MGMT: variants seen among roughly 807,000 people sequenced by gnomAD.
The protein encoded by MGMT is methylated-DNA--protein-cysteine methyltransferase.
A neutral mutation model predicts 15.9 loss-of-function variants in MGMT; 14 were observed. The observed-to-expected ratio is 0.88, with a 90% CI of 0.58 to 1.37. MGMT has a LOEUF of 1.37. MGMT is among the 40% of genes most tolerant of loss of function. The pLI is 0.00. For synonymous variants in MGMT, 130 were observed against 118.2 expected, an observed-to-expected ratio of 1.10 and a Z score of -0.65; for missense variants, 282 against 268.1, an observed-to-expected ratio of 1.05 and a Z score of -0.36.
chr10:129,561,681 T>G (rs1029808720), intron 2 of MGMT, among the ~76,000 whole-genome samples: 3 of 152,100 alleles, frequency 2.0e-5, no homozygotes, highest in Non-Finnish European at 4.4e-5. Flanking sequence ...GAGACACAGT[T>G]TATTGGAGTC....
At position 129,664,667 on chromosome 10, in the gene MGMT, G is replaced by T. The variant is rs988225500; in HGVS notation, c.126-43228G>T. ...AGAAATGGCTGATTCCAGGATGGGG[G>T]CAGCAAAGACACAAAAGGAGCCTAG... On this transcript the variant is annotated intron_variant, in intron 2 of 4. Transcript: ENST00000651593. Among the ~76,000 whole-genome samples the T allele has an allele frequency of 2.0e-5, 3 of 152,130 alleles. No individual in the cohort carries two copies. In the South Asian group the frequency reaches 6.2e-4, roughly 31 times the overall value.
At chr10:129,762,829 G>A (rs1848890605) in intron 4 of MGMT, among the ~76,000 whole-genome samples, 1 of 152,158 alleles carries the variant, frequency 6.6e-6, no homozygotes, top group South Asian at 2.1e-4. Flanking sequence ...TAAGTGTCAA[G>A]GTTGTCAGTG....
intron 2 of MGMT, among the ~76,000 whole-genome samples, chr10:129,618,821 T>C (rs1847058475): frequency 1.7e-5 from 1 of 60,556 alleles, no homozygotes; most frequent in South Asian, 9.7e-4. Context: ...TACAGGAGCT[T>C]TCTGTAAATT....
intron 1 of MGMT, among the ~76,000 whole-genome samples, chr10:129,476,551 G>C (rs1359738493): frequency 6.6e-6 from 1 of 152,112 alleles, no homozygotes; most frequent in East Asian, 1.9e-4. Flanking sequence ...GGGAACCGCT[G>C]CCTGGGGCAG....
At position 129,526,686 on chromosome 10, in the gene MGMT, C is replaced by G. The variant is rs115619861; in HGVS notation, c.-12-9555C>G. The stretch of plus-strand genomic sequence containing the variant: ...TCTGTTTCTGTGTGTTTTCATTGCA[C>G]AGGATACCAGCAGTGGAAATGGTTA... On this transcript the variant is annotated intron_variant, in intron 1 of 4. Transcript: ENST00000651593. Among the ~76,000 whole-genome samples, 791 of 151,926 alleles carry G rather than the reference C, an allele frequency of 5.2e-3. 11 individuals are homozygous for G. The highest frequency in any genetic ancestry group is 0.018 in the African/African-American group (762 of 41,520).
chr10:129,726,734 TCCC>T (rs1564775709), intron 3 of MGMT, among the ~76,000 whole-genome samples: 1 of 152,198 alleles, frequency 6.6e-6, no homozygotes, highest in Non-Finnish European at 1.5e-5. Flanking sequence ...TTCTCACTCT[TCCC>T]CTACTCCATA....
intron 2 of MGMT, among the ~76,000 whole-genome samples, chr10:129,688,836 C>T (rs1847939181): frequency 6.6e-6 from 1 of 152,140 alleles, no homozygotes; most frequent in Admixed American, 6.5e-5. Context: ...TTTTAAGAGA[C>T]ACGGCAAGCA....
At chr10:129,739,084 G>T (rs1265427130) in intron 3 of MGMT, among the ~76,000 whole-genome samples, 1 of 152,168 alleles carries the variant, frequency 6.6e-6, no homozygotes, top group Non-Finnish European at 1.5e-5. Flanking sequence ...TGCAGAAAAG[G>T]CCTTCAACAA....
intron 2 of MGMT, among the ~76,000 whole-genome samples, chr10:129,606,933 A>G (rs573893176): frequency 6.6e-6 from 1 of 152,234 alleles, no homozygotes; most frequent in African/African-American, 2.4e-5. Flanking sequence ...ATTTGACTGC[A>G]ATATTTAATA....
chr10:129,744,185 G>A (rs1564782595), intron 3 of MGMT, among the ~76,000 whole-genome samples: 2 of 152,298 alleles, frequency 1.3e-5, no homozygotes, highest in East Asian at 3.9e-4. Flanking sequence ...CTTGCTTAGG[G>A]GTCAGTGAGC....
At chr10:129,540,051 G>C (rs180785483) in intron 2 of MGMT, among the ~76,000 whole-genome samples, 1 of 152,184 alleles carries the variant, frequency 6.6e-6, no homozygotes, top group Non-Finnish European at 1.5e-5. Context: ...GTCTGCATTT[G>C]TTTGGGTTCT....
At chr10:129,691,271 C>G (rs1005693841) in intron 2 of MGMT, among the ~76,000 whole-genome samples, 1 of 152,208 alleles carries the variant, frequency 6.6e-6, no homozygotes, top group Admixed American at 6.5e-5. Context: ...TGCCGGTCCT[C>G]AGAAAGTGAC....
chr10:129,752,685 T>C (rs980567001), intron 3 of MGMT, among the ~76,000 whole-genome samples: 4 of 152,112 alleles, frequency 2.6e-5, no homozygotes, highest in African/African-American at 9.7e-5. Flanking sequence ...GAATCACTGT[T>C]TTACCTTTTT....
chr10:129,739,686 C>T (rs759384961), intron 3 of MGMT, among the ~76,000 whole-genome samples: 18 of 152,152 alleles, frequency 1.2e-4, no homozygotes, highest in East Asian at 3.9e-4. Context: ...TTGTCCAATC[C>T]TCAGCCTGCG....
chr10:129,645,330 C>T (rs1340922407), intron 2 of MGMT, among the ~76,000 whole-genome samples: 1 of 152,128 alleles, frequency 6.6e-6, no homozygotes, highest in Non-Finnish European at 1.5e-5. Flanking sequence ...CCATGTTAAT[C>T]AGGCTGGTCT....
In MGMT at chr10:129,763,012, C is replaced by T. The variant is rs986685988; in HGVS notation, c.414+3671C>T. On this transcript the variant is annotated intron_variant, in intron 4 of 4. Coordinates refer to ENST00000651593, the MANE Select transcript of MGMT (RefSeq NM_002412.5). ...CAAAGGCGAAGTTGGAAAAAATATT[C>T]AGCCGGTACCAGAATCAGAGGGATT... 5.9e-5 allele frequency among the ~76,000 whole-genome samples: 9 copies of T among 152,218 alleles called. No individual in the cohort carries two copies. In the South Asian group the frequency reaches 1.9e-3, roughly 32 times the overall value.
intron 2 of MGMT, among the ~76,000 whole-genome samples, chr10:129,683,004 A>G (rs942532067): frequency 3.9e-5 from 6 of 152,140 alleles, no homozygotes; most frequent in Non-Finnish European, 7.3e-5. Context: ...GCACGCCACC[A>G]TGTCCGGCTA....
intron 3 of MGMT, among the ~76,000 whole-genome samples, chr10:129,724,048 C>T (rs760265311): frequency 2.6e-5 from 4 of 152,224 alleles, no homozygotes; most frequent in African/African-American, 9.6e-5. Flanking sequence ...TTAAAACCTA[C>T]GTCCACAAAA....
intron 2 of MGMT, among the ~76,000 whole-genome samples, chr10:129,621,838 A>G (rs1365459905): frequency 6.6e-6 from 1 of 152,238 alleles, no homozygotes; most frequent in Non-Finnish European, 1.5e-5. Flanking sequence ...AAAATGTTGA[A>G]TCACTGTGAA....
Sources: gnomAD v4.1 joint callset for allele counts (sites outside exome capture counted in the v4.1 genomes callset) on GRCh38, gnomAD v4.1.1 for gene constraint, MANE v1.5 for transcripts, NCBI Gene and HGNC (gene_info 2026-07-23, HGNC 2026-07-21) for gene names.